TMCC1: variants seen among roughly 807,000 people sequenced by gnomAD.
The protein encoded by TMCC1 is transmembrane and coiled-coil domain family 1.
TMCC1 carries 15 observed loss-of-function variants against 52.4 expected under a neutral mutation model. The observed-to-expected ratio is 0.29, with a 90% CI of 0.19 to 0.44. TMCC1 has a LOEUF of 0.44. Ranked by LOEUF, TMCC1 falls within the 20% of genes least tolerant of loss-of-function variation. The pLI is 1.00. For synonymous variants in TMCC1, 279 were observed against 301.9 expected (o/e 0.92, Z 0.79); for missense variants, 503 against 806.0 (o/e 0.62, Z 4.55).
At chr3:129,753,823 C>T (rs1324408610) in intron 4 of TMCC1, among the ~76,000 whole-genome samples, 1 of 151,806 alleles carries the variant, frequency 6.6e-6, no homozygotes, top group African/African-American at 2.4e-5. Flanking sequence ...CCCTATTTAA[C>T]AACACGAAGT....
chr3:129,862,399 A>C (rs975168466), intron 2 of TMCC1, among the ~76,000 whole-genome samples: 14 of 152,236 alleles, frequency 9.2e-5, no homozygotes, highest in Non-Finnish European at 2.1e-4. Flanking sequence ...TGTAAAGCAA[A>C]ATGTTAATAG....
In TMCC1 at chr3:129,648,077, A is replaced by C. The variant is rs1219136640; in HGVS notation, c.*3404T>G. On this transcript the variant is annotated 3_prime_UTR_variant, in exon 7 of 7. Coordinates refer to ENST00000393238, the MANE Select transcript of TMCC1 (RefSeq NM_001017395.5). Reference sequence around the variant, plus strand: ...ACACGACATACAGACAGCAATGTTAACTCTTAGAGCCACATTCAAAATCCC... The same window carrying C: ...ACACGACATACAGACAGCAATGTTACCTCTTAGAGCCACATTCAAAATCCC... 1 of 152,622 alleles carries C rather than the reference A, an allele frequency of 6.6e-6. No homozygotes were observed. Among genetic ancestry groups the C allele is most frequent in the Non-Finnish European group, 1.5e-5 (1 of 68,038 alleles). The allele number at this position is 152,622 out of a possible 1,614,324, so 9.5% of individuals were successfully genotyped here.
At chr3:129,683,750 T>TA (rs1303619229) in intron 4 of TMCC1, among the ~76,000 whole-genome samples, 1 of 151,752 alleles carries the variant, frequency 6.6e-6, no homozygotes, top group Non-Finnish European at 1.5e-5. Context: ...TCCATCCTCC[T>TA]ACCTTTTGGA....
At chr3:129,735,540 T>C (rs2050884883) in intron 4 of TMCC1, among the ~76,000 whole-genome samples, 1 of 151,356 alleles carries the variant, frequency 6.6e-6, no homozygotes, top group Non-Finnish European at 1.5e-5. Context: ...TCCTAGCTAC[T>C]TGGGAGGCTG....
intron 4 of TMCC1, among the ~76,000 whole-genome samples, chr3:129,723,635 C>T (rs1370544942): frequency 6.6e-6 from 1 of 152,168 alleles, no homozygotes; most frequent in Non-Finnish European, 1.5e-5. Flanking sequence ...AGACGGGACA[C>T]TCCAGGATGA....
intron 4 of TMCC1, among the ~76,000 whole-genome samples, chr3:129,719,332 T>C (rs1022932070): frequency 3.3e-5 from 5 of 152,236 alleles, no homozygotes; most frequent in African/African-American, 1.2e-4. Flanking sequence ...GGGGGCTTAA[T>C]GGAAGCACTG....
At chr3:129,789,915 T>A (rs11720774) in intron 4 of TMCC1, among the ~76,000 whole-genome samples, 50,396 of 152,018 alleles carry the variant, frequency 0.33, 10,907 homozygotes, top group Non-Finnish European at 0.47. Flanking sequence ...ATTAAATAAT[T>A]TCAATAAAAT....
intron 4 of TMCC1, among the ~76,000 whole-genome samples, chr3:129,799,672 C>A (rs529821052): frequency 1.3e-5 from 2 of 151,884 alleles, no homozygotes; most frequent in Non-Finnish European, 2.9e-5. Context: ...ATTGGCTGGG[C>A]GTGGTGGTGG....
At chr3:129,764,085 A>G (rs2053881133) in intron 4 of TMCC1, among the ~76,000 whole-genome samples, 1 of 152,226 alleles carries the variant, frequency 6.6e-6, no homozygotes, top group Admixed American at 6.5e-5. Context: ...TCTTCCTGGT[A>G]GACAAAATTA....
At chr3:129,823,105 C>T (rs1350072025) in intron 4 of TMCC1, among the ~76,000 whole-genome samples, 1 of 152,130 alleles carries the variant, frequency 6.6e-6, no homozygotes, top group East Asian at 1.9e-4. Context: ...GCAGGTGGAT[C>T]ATTTGAGGTC....
At chr3:129,669,511 C>G (rs372147398) in intron 5 of TMCC1, among the ~76,000 whole-genome samples, 1 of 151,466 alleles carries the variant, frequency 6.6e-6, no homozygotes, top group Admixed American at 6.6e-5. Flanking sequence ...CTCGGCTCAC[C>G]GCAACCTCCA....
intron 4 of TMCC1, among the ~76,000 whole-genome samples, chr3:129,761,575 G>A (rs2053600743): frequency 6.6e-6 from 1 of 151,934 alleles, no homozygotes; most frequent in Admixed American, 6.6e-5. Flanking sequence ...TTGTCTTTTT[G>A]GGTCAGCCCT....
intron 4 of TMCC1, among the ~76,000 whole-genome samples, chr3:129,718,308 T>C (rs1453857202): frequency 2.0e-5 from 3 of 152,256 alleles, no homozygotes; most frequent in Admixed American, 1.3e-4. Context: ...ACTGTGCTAC[T>C]GTACAATTTT....
At chr3:129,719,310 T>C (rs1216929137) in intron 4 of TMCC1, among the ~76,000 whole-genome samples, 2 of 152,212 alleles carry the variant, frequency 1.3e-5, no homozygotes, top group African/African-American at 2.4e-5. Flanking sequence ...CATGTGGAGT[T>C]TCCTGGAGGG....
At chr3:129,755,575 A>G (rs983836851) in intron 4 of TMCC1, among the ~76,000 whole-genome samples, 20 of 152,232 alleles carry the variant, frequency 1.3e-4, no homozygotes, top group African/African-American at 4.8e-4. Flanking sequence ...ATAATTTAAA[A>G]TGGGCAAAAG....
At chr3:129,730,515 T>C (rs1009850751) in intron 4 of TMCC1, among the ~76,000 whole-genome samples, 2 of 152,214 alleles carry the variant, frequency 1.3e-5, no homozygotes, top group Non-Finnish European at 2.9e-5. Flanking sequence ...TTAATCTACA[T>C]GTGTACCCTT....
intron 4 of TMCC1, among the ~76,000 whole-genome samples, chr3:129,782,486 C>T (rs1332119401): frequency 6.6e-6 from 1 of 152,142 alleles, no homozygotes; most frequent in African/African-American, 2.4e-5. Flanking sequence ...ATACTGAACA[C>T]CTTGGCAAAA....
intron 4 of TMCC1, among the ~76,000 whole-genome samples, chr3:129,673,878 C>T (rs1241705130): frequency 6.6e-6 from 1 of 151,888 alleles, no homozygotes; most frequent in Non-Finnish European, 1.5e-5. Flanking sequence ...CAGTCATATG[C>T]TGCATAATGA....
chr3:129,861,281 A>G (rs2060385006), intron 2 of TMCC1, among the ~76,000 whole-genome samples: 1 of 152,096 alleles, frequency 6.6e-6, no homozygotes, highest in Non-Finnish European at 1.5e-5. Flanking sequence ...TCTACTAAAA[A>G]TACAAAAATT....
Sources: allele counts gnomAD v4.1 joint callset (sites outside exome capture counted in the v4.1 genomes callset), GRCh38; gene constraint gnomAD v4.1.1; transcripts MANE v1.5; gene names NCBI Gene and HGNC (gene_info 2026-07-23, HGNC 2026-07-21).